Variants in COL17A1 observed in about 807,000 individuals in gnomAD.
COL17A1 encodes collagen alpha-1(XVII) chain.
In COL17A1, 181 loss-of-function variants were observed where a neutral mutation model predicts 218.4. The ratio of observed to expected loss-of-function variants is 0.83; its 90% CI spans 0.73 to 0.94. COL17A1 has a LOEUF of 0.94. Among genes scored for constraint, COL17A1 ranks in the 40% least tolerant of loss-of-function variants. The pLI, the probability that COL17A1 is intolerant of heterozygous loss-of-function variation, is 0.00. For synonymous variants in COL17A1, 721 were observed against 731.0 expected (o/e 0.99, Z 0.22); for missense variants, 1,924 against 1,945.9 (o/e 0.99, Z 0.21).
intron 1 of COL17A1, among the ~76,000 whole-genome samples, chr10:104,082,571 T>C (rs550409255): frequency 6.6e-6 from 1 of 152,328 alleles, no homozygotes; most frequent in Admixed American, 6.5e-5. Context: ...GAACTGTTTA[T>C]AACAATCCAC....
intron 9 of COL17A1, 77 bp downstream of exon 9, chr10:104,070,349 C>T: frequency 6.3e-7 from 1 of 1,598,962 alleles, no homozygotes; most frequent in Non-Finnish European, 8.5e-7. Context: ...TTCTCTGGGT[C>T]TCTGAGTCCA....
intron 9 of COL17A1, among the ~76,000 whole-genome samples, chr10:104,064,993 C>A (rs961552314): frequency 6.6e-6 from 1 of 152,176 alleles, no homozygotes; most frequent in Non-Finnish European, 1.5e-5. Flanking sequence ...AATGAGACCC[C>A]GAAGAGAACC....
intron 37 of COL17A1, 40 bp downstream of exon 37, chr10:104,041,445 C>T (rs756996815): frequency 6.2e-7 from 1 of 1,609,048 alleles, no homozygotes; most frequent in Non-Finnish European, 8.5e-7. Flanking sequence ...TCTCCTGTCC[C>T]CCAAACTCCC....
In COL17A1 at chr10:104,061,378, A is replaced by C. The variant is rs805704; in HGVS notation, c.979+27T>G. 16,239 of 1,609,760 alleles carry C rather than the reference A, an allele frequency of 0.01. 1,145 individuals carry two copies. In the African/African-American group the frequency reaches 0.17, roughly 17 times the overall value. ...TAATCCTCCCTGTGCACCAGCCTGAACCCTGGCAGCTGGGAGCAGCACTCA... is the reference window on the plus strand; with the variant it reads ...TAATCCTCCCTGTGCACCAGCCTGACCCCTGGCAGCTGGGAGCAGCACTCA... On this transcript the variant is annotated intron_variant, in intron 13 of 55. Coordinates refer to ENST00000648076, the MANE Select transcript of COL17A1 (RefSeq NM_000494.4).
Position 104,058,173 on chromosome 10 carries a change from A to T in COL17A1, c.1240T>A (p.Ser414Thr), listed in dbSNP as rs2086549476. 1 of 1,614,068 alleles carries T rather than the reference A, an allele frequency of 6.2e-7. No individual in the cohort carries two copies. Among genetic ancestry groups the T allele is most frequent in the Non-Finnish European group, 8.5e-7 (1 of 1,180,044 alleles). Residue 414 changes from serine (S) to threonine (T), a missense_variant, in exon 16 of 56, where the codon TCC (serine) becomes ACC (threonine). By Grantham distance (58) the Ser-to-Thr change is moderately conservative (BLOSUM62 1). Coordinates refer to ENST00000648076, the MANE Select transcript of COL17A1 (RefSeq NM_000494.4). The part of the protein sequence containing the change: ...AEANGDLKTV[S>T]TKGKTTTADI... Reference sequence around the variant, plus strand: ...GCAGTGGTGGTCTTGCCCTTTGTGGACACAGTCTTCAGGTCTCCTGAAAGG... The same window carrying T: ...GCAGTGGTGGTCTTGCCCTTTGTGGTCACAGTCTTCAGGTCTCCTGAAAGG...
At chr10:104,044,592 A>G (rs2086391420) in intron 33 of COL17A1, among the ~76,000 whole-genome samples, 2 of 152,278 alleles carry the variant, frequency 1.3e-5, no homozygotes, top group East Asian at 3.9e-4. Context: ...CTCTCCCCTA[A>G]AGGAAAGCAG....
chr10:104,045,252 T>C (rs1482726006), intron 33 of COL17A1, among the ~76,000 whole-genome samples: 1 of 152,094 alleles, frequency 6.6e-6, no homozygotes, highest in East Asian at 1.9e-4. Context: ...GCCCTCTCAG[T>C]AGCATCTTAA....
chr10:104,059,291 GA>G (rs1011748181), intron 15 of COL17A1: 75 of 332,544 alleles, frequency 2.3e-4, no homozygotes, highest in Middle Eastern at 9.6e-4. Flanking sequence ...TATTTGGGAA[GA>G]AAAAAAAATA....
At chr10:104,048,033 G>C in intron 30 of COL17A1, 36 bp downstream of exon 30, 1 of 1,613,698 alleles carries the variant, frequency 6.2e-7, no homozygotes, top group Non-Finnish European at 8.5e-7. Flanking sequence ...GGGCTGTGAC[G>C]GGAGTGAGGC....
chr10:104,051,619 G>A (rs1373957168), intron 24 of COL17A1, 103 bp from the exon 25 acceptor site: 2 of 1,420,422 alleles, frequency 1.4e-6, no homozygotes, highest in African/African-American at 1.4e-5. Context: ...TGTCTTCCAG[G>A]TGAGGGCTGT....
At chr10:104,060,814 C>T (rs541080661) in intron 13 of COL17A1, among the ~76,000 whole-genome samples, 1 of 152,312 alleles carries the variant, frequency 6.6e-6, no homozygotes, top group East Asian at 1.9e-4. Flanking sequence ...TCTGCCTCCA[C>T]CACTGACATC....
rs749978030 is a variant in COL17A1 at position 104,043,548 on chromosome 10, G to T, written c.2468C>A (p.Pro823Gln). 6.2e-7 allele frequency: 1 copy of T among 1,613,858 alleles called. No homozygotes were observed. The highest frequency in any genetic ancestry group is 8.5e-7 in the Non-Finnish European group (1 of 1,179,980). The change falls in exon 35 of 56, where the codon CCA becomes CAA. Residue 823 changes from proline to glutamine, a missense_variant. Physicochemically the swap from Pro to Gln is moderately conservative, Grantham distance 76. Transcript: ENST00000648076. ...GGGTCCCATGGCTCCAGGAGGTCCTGGGGGGCCTGGGACAGTGAGCATCGA... is the reference window on the plus strand; with the variant it reads ...GGGTCCCATGGCTCCAGGAGGTCCTTGGGGGCCTGGGACAGTGAGCATCGA... The part of the protein sequence containing the change: ...GSSMLTVPGP[P>Q]GPPGAMGPPG...
chr10:104,057,306 C>T (rs2086539978), intron 16 of COL17A1, 134 bp from the exon 17 acceptor site: 2 of 1,406,324 alleles, frequency 1.4e-6, no homozygotes, highest in Admixed American at 1.8e-5. Context: ...GCTGTTCCAC[C>T]CAGGACAGGG....
chr10:104,038,294 A>G, intron 45 of COL17A1, 112 bp downstream of exon 45: 2 of 1,367,236 alleles, frequency 1.5e-6, no homozygotes, highest in Admixed American at 3.4e-5. Context: ...CCACTGCCCT[A>G]CATCGTCCCA....
At chr10:104,044,492 T>C (rs1472678717) in intron 33 of COL17A1, among the ~76,000 whole-genome samples, 2 of 152,188 alleles carry the variant, frequency 1.3e-5, no homozygotes, top group Non-Finnish European at 1.5e-5. Flanking sequence ...CGGACTCACT[T>C]GGGGAAACCA....
chr10:104,062,384 G>C (rs2086590632), intron 11 of COL17A1, 55 bp from the exon 12 acceptor site: 2 of 1,611,426 alleles, frequency 1.2e-6, no homozygotes, highest in Non-Finnish European at 1.7e-6. Flanking sequence ...ATGCCCCCTG[G>C]CTTAGGACGG....
At chr10:104,065,697 G>T (rs978051700) in intron 9 of COL17A1, among the ~76,000 whole-genome samples, 2 of 152,202 alleles carry the variant, frequency 1.3e-5, no homozygotes, top group African/African-American at 4.8e-5. Flanking sequence ...AGGATTTAGG[G>T]CTGGGCTATG....
At chr10:104,071,921 T>TAC (rs1732804460) in intron 8 of COL17A1, 111 bp downstream of exon 8, 2 of 1,495,870 alleles carry the variant, frequency 1.3e-6, no homozygotes, top group Admixed American at 1.8e-5. Flanking sequence ...TGCATGTACA[T>TAC]ACATGTGTGT....
intron 9 of COL17A1, 25 bp from the exon 10 acceptor site, chr10:104,064,621 C>G: frequency 6.2e-7 from 1 of 1,601,454 alleles, no homozygotes; most frequent in Non-Finnish European, 8.5e-7. Flanking sequence ...ATGCACACAC[C>G]CCAGTGAGAG....
Sources: gnomAD v4.1 joint callset for allele counts (sites outside exome capture counted in the v4.1 genomes callset) on GRCh38, gnomAD v4.1.1 for gene constraint, MANE v1.5 for transcripts, NCBI Gene and HGNC (gene_info 2026-07-23, HGNC 2026-07-21) for gene names.